UHMK1: variants seen among roughly 807,000 people sequenced by gnomAD.
The protein encoded by UHMK1 is serine/threonine-protein kinase Kist.
A neutral mutation model predicts 44.0 loss-of-function variants in UHMK1; 18 were observed. The observed-to-expected ratio is 0.41, with a 90% CI of 0.28 to 0.61. UHMK1 has a LOEUF of 0.61. Among genes scored for constraint, UHMK1 ranks in the 20% least tolerant of loss-of-function variants. The pLI is 0.31. For synonymous variants in UHMK1, 231 were observed against 198.5 expected, an observed-to-expected ratio of 1.16 and a Z score of -1.38; for missense variants, 463 against 522.5, an observed-to-expected ratio of 0.89 and a Z score of 1.11.
chr1:162,500,857 T>C, intron 2 of UHMK1, 56 bp from the exon 3 acceptor site: 3 of 1,527,436 alleles, frequency 2.0e-6, no homozygotes, highest in Non-Finnish European at 2.7e-6. Flanking sequence ...ACTGTAGAGA[T>C]GGATAGAAAG....
Position 162,512,806 on chromosome 1 carries a change from A to G in UHMK1, c.1007A>G (p.Asn336Ser), listed in dbSNP as rs780775200. 4.3e-6 allele frequency: 7 copies of G among 1,614,168 alleles called. No homozygotes were observed. The highest frequency in any genetic ancestry group is 1.1e-5 in the South Asian group (1 of 91,088). The change falls in exon 6 of 8, where the codon AAT (asparagine) becomes AGT (serine). Residue 336 changes from asparagine to serine, a missense_variant. Transcript: ENST00000489294. ...GTGCTGGATGATGATTATCTTGAGAATGAAGAGGAATATGAAGGTTAGTGT... is the reference window on the plus strand; with the variant it reads ...GTGCTGGATGATGATTATCTTGAGAGTGAAGAGGAATATGAAGGTTAGTGT... ...LNVLDDDYLE[N>S]EEEYEDVVED...
rs1652140488 is a variant in UHMK1, at chr1:162,523,672, A to AG, written c.*1124dup. The stretch of plus-strand genomic sequence containing the variant: ...GGGCGAAGAGAGGGTGGAAAATAAA[A>AG]GGATTCTTTTTTCTTCCTTTCTGTT... On this transcript the variant is annotated 3_prime_UTR_variant, in exon 8 of 8. Coordinates refer to ENST00000489294, the MANE Select transcript of UHMK1 (RefSeq NM_175866.5). The AG allele has an allele frequency of 6.6e-6, 1 of 152,290 alleles. No homozygotes were observed. Among genetic ancestry groups the AG allele is most frequent in the African/African-American group, 2.4e-5 (1 of 41,444 alleles). The allele number at this position is 152,290 out of a possible 1,614,324, so 9.4% of individuals were successfully genotyped here.
chr1:162,523,411 ACTGGAGTCTAGC>A lies in UHMK1; in HGVS notation c.*869_*880del, dbSNP rs1238347532. 6.6e-6 allele frequency: 1 copy of A among 152,642 alleles called. No homozygotes were observed. The highest frequency in any genetic ancestry group is 2.4e-5 in the African/African-American group (1 of 41,450). 9.5% of individuals were successfully genotyped at this position (152,642 alleles called of 1,614,324 possible). Reference sequence around the variant, plus strand: ...ATAATTCCTGAGAGGCCCAGAACAAACTGGAGTCTAGCCTGGAGTTAAATTGAGACTTCTAAA... The same window carrying A: ...ATAATTCCTGAGAGGCCCAGAACAAACTGGAGTTAAATTGAGACTTCTAAA... On this transcript the variant is annotated 3_prime_UTR_variant, in exon 8 of 8. Transcript: ENST00000489294.
At position 162,498,316 on chromosome 1, in the gene UHMK1, G is replaced by C. The variant is rs1216634275; in HGVS notation, c.268+48G>C. The C allele has an allele frequency of 7.8e-6, 12 of 1,532,546 alleles. No homozygotes were observed. In the South Asian group the frequency reaches 1.4e-4, roughly 18 times the overall value. 94.9% of individuals were successfully genotyped at this position (1,532,546 alleles called of 1,614,324 possible). On this transcript the variant is annotated intron_variant, in intron 1 of 7. Coordinates refer to ENST00000489294, the MANE Select transcript of UHMK1 (RefSeq NM_175866.5). ...TCTTCTTGCCCAGGTCACAGTCCGA[G>C]CACACTCTTCCTCTCGCTGTCTGGC... is the stretch of plus-strand genomic sequence containing the variant.
Position 162,523,761 on chromosome 1 carries a change from G to A in UHMK1, c.*1211G>A, listed in dbSNP as rs2101688290. The A allele has an allele frequency of 6.6e-6, 1 of 152,180 alleles. No individual in the cohort carries two copies. The highest frequency in any genetic ancestry group is 1.9e-4 in the East Asian group (1 of 5,186). The allele number at this position is 152,180 out of a possible 1,614,324, so 9.4% of individuals were successfully genotyped here. On this transcript the variant is annotated 3_prime_UTR_variant, in exon 8 of 8. Transcript: ENST00000489294. ...TTCTTTGCCTCTATCCTTAGCTGAA[G>A]ACAAACTAGAGGAGCAGCATCCCAG...
In UHMK1 at chr1:162,497,890, G is replaced by C. The variant is rs1557937700; in HGVS notation, c.-111G>C. The C allele has an allele frequency of 7.1e-7, 1 of 1,414,910 alleles. No homozygotes were observed. The highest frequency in any genetic ancestry group is 1.6e-5 in the South Asian group (1 of 63,462). The allele number at this position is 1,414,910 out of a possible 1,614,324, so 87.6% of individuals were successfully genotyped here. A position where few individuals can be genotyped will look rare whatever the true frequency, so the allele number is the denominator to read the frequency against. On this transcript the variant is annotated 5_prime_UTR_variant, in exon 1 of 8. Transcript: ENST00000489294. ...CCGGGAGTCGGTGAGGCGGCTGCAG[G>C]TCCCTCCCTGCGGAGCCGCTGGTCC... is the stretch of plus-strand genomic sequence containing the variant.
At position 162,500,979 on chromosome 1, in the gene UHMK1, C is replaced by G; in HGVS notation, c.628C>G (p.Gln210Glu). 6.2e-7 allele frequency: 1 copy of G among 1,614,100 alleles called. No individual in the cohort carries two copies. The highest frequency in any genetic ancestry group is 1.7e-5 in the Admixed American group (1 of 60,012). The change falls in exon 3 of 8, where the codon CAG (glutamine) becomes GAG (glutamate). Residue 210 changes from glutamine (Q) to glutamate (E), a missense_variant. Gln to Glu is a conservative substitution (Grantham distance 29). Transcript: ENST00000489294. ...PEAELQNCLAQAGLQSDTECT... is the reference protein window; with the variant it reads ...PEAELQNCLAEAGLQSDTECT... ...AGCAGAATTGCAAAATTGCTTGGCCCAGGCTGGCCTGCAGAGTGATACAGA... is the reference window on the plus strand; with the variant it reads ...AGCAGAATTGCAAAATTGCTTGGCCGAGGCTGGCCTGCAGAGTGATACAGA...
chr1:162,506,569 T>G (rs192580606), intron 4 of UHMK1, among the ~76,000 whole-genome samples: 46 of 152,336 alleles, frequency 3.0e-4, no homozygotes, highest in African/African-American at 1.1e-3. Context: ...CTCATACATT[T>G]TTGTTTCCTT....
At chr1:162,497,194 GT>G (rs948464217), upstream of UHMK1, 19 of 684,452 alleles carry the variant, frequency 2.8e-5, no homozygotes, top group Non-Finnish European at 4.0e-5. Context: ...GGAGACCAAA[GT>G]TTTGTCATGC....
rs760530558 is a variant in UHMK1, at chr1:162,522,562, A to C, written c.*12A>C. On this transcript the variant is annotated 3_prime_UTR_variant, in exon 8 of 8. Transcript: ENST00000489294. ...AAACCTTGCTTTAATCAGTAACCTA[A>C]GGACTGTTTCCTTTTTCTCCTCTTC... 12 of 1,608,878 alleles carry C rather than the reference A, an allele frequency of 7.5e-6. No individual in the cohort carries two copies. Among genetic ancestry groups the C allele is most frequent in the Non-Finnish European group, 1.0e-5 (12 of 1,177,876 alleles).
intron 4 of UHMK1, among the ~76,000 whole-genome samples, chr1:162,509,455 C>T (rs773078335): frequency 2.2e-4 from 33 of 152,092 alleles, no homozygotes; most frequent in Non-Finnish European, 1.0e-4. Context: ...AATGTATAAC[C>T]CCTTATAGTT....
intron 4 of UHMK1, among the ~76,000 whole-genome samples, chr1:162,505,689 T>A (rs578022003): frequency 6.6e-6 from 1 of 152,348 alleles, no homozygotes. Context: ...TATGACTGTA[T>A]TATTAAATAG....
chr1:162,522,781 A>G lies in UHMK1; in HGVS notation c.*231A>G, dbSNP rs1174737894. The G allele has an allele frequency of 2.6e-6, 1 of 392,110 alleles. No homozygotes were observed. Among genetic ancestry groups the G allele is most frequent in the Non-Finnish European group, 4.5e-6 (1 of 221,720 alleles). The allele number at this position is 392,110 out of a possible 1,614,324, so 24.3% of individuals were successfully genotyped here. On this transcript the variant is annotated 3_prime_UTR_variant, in exon 8 of 8. Transcript: ENST00000489294. ...GGGGTTTTAGAGCATCCATGTGGGC[A>G]ACCCTTTTTTGTGCGGGAGAGCAGG...
At chr1:162,511,189 C>CTT (rs142796500) in intron 4 of UHMK1, among the ~76,000 whole-genome samples, 2 of 101,000 alleles carry the variant, frequency 2.0e-5, no homozygotes, top group East Asian at 2.9e-4. Context: ...TTTTCTTTTT[C>CTT]TTTTTTTTTT....
chr1:162,507,146 G>A (rs1452503025), intron 4 of UHMK1, among the ~76,000 whole-genome samples: 1 of 150,066 alleles, frequency 6.7e-6, no homozygotes, highest in Non-Finnish European at 1.5e-5. Flanking sequence ...TTGAGACGGA[G>A]TTTTTGCTCG....
intron 6 of UHMK1, among the ~76,000 whole-genome samples, chr1:162,515,900 G>A (rs2101681943): frequency 6.6e-6 from 1 of 152,228 alleles, no homozygotes; most frequent in South Asian, 2.1e-4. Flanking sequence ...CGGGCGTGGT[G>A]GCGGGCGCCT....
rs1173080813 is a variant in UHMK1, at chr1:162,525,728, T to TA, written c.*3179dup. The TA allele has an allele frequency of 3.3e-5, 5 of 152,194 alleles. No homozygotes were observed. Among genetic ancestry groups the TA allele is most frequent in the Non-Finnish European group, 5.9e-5 (4 of 68,028 alleles). The allele number at this position is 152,194 out of a possible 1,614,324, so 9.4% of individuals were successfully genotyped here. On this transcript the variant is annotated 3_prime_UTR_variant, in exon 8 of 8. Coordinates refer to ENST00000489294, the MANE Select transcript of UHMK1 (RefSeq NM_175866.5). ...TGTCTTCCTTTTTTGTGGCCACCAA[T>TA]ATAGCAGCTCTCTTTAGAGGGATTC...
In UHMK1 at chr1:162,525,307, G is replaced by C. The variant is rs1367337942; in HGVS notation, c.*2757G>C. ...AGACCTAGAAATTTTCTTTTTGAGA[G>C]AAAGGGTAAAGAGGTGAGGGTTCAT... is the stretch of plus-strand genomic sequence containing the variant. On this transcript the variant is annotated 3_prime_UTR_variant, in exon 8 of 8. Coordinates refer to ENST00000489294, the MANE Select transcript of UHMK1 (RefSeq NM_175866.5). 6.6e-6 allele frequency: 1 copy of C among 152,128 alleles called. No homozygotes were observed. Among genetic ancestry groups the C allele is most frequent in the African/African-American group, 2.4e-5 (1 of 41,424 alleles). 9.4% of individuals were successfully genotyped at this position (152,128 alleles called of 1,614,324 possible).
rs535279832 is a variant in UHMK1, at chr1:162,523,446, A to G, written c.*896A>G. 2.0e-5 allele frequency: 3 copies of G among 152,800 alleles called. No homozygotes were observed. Among genetic ancestry groups the G allele is most frequent in the Non-Finnish European group, 4.4e-5 (3 of 68,036 alleles). The allele number at this position is 152,800 out of a possible 1,614,324, so 9.5% of individuals were successfully genotyped here. A position where few individuals can be genotyped will look rare whatever the true frequency, so the allele number is the denominator to read the frequency against. On this transcript the variant is annotated 3_prime_UTR_variant, in exon 8 of 8. Coordinates refer to ENST00000489294, the MANE Select transcript of UHMK1 (RefSeq NM_175866.5). ...AGCCTGGAGTTAAATTGAGACTTCT[A>G]AAATGATTGGAACAAAGACTAAGTT... is the stretch of plus-strand genomic sequence containing the variant.
Sources: allele counts gnomAD v4.1 joint callset (sites outside exome capture counted in the v4.1 genomes callset), GRCh38; gene constraint gnomAD v4.1.1; transcripts MANE v1.5; gene names NCBI Gene and HGNC (gene_info 2026-07-23, HGNC 2026-07-21).